NANS: variants seen among roughly 807,000 people sequenced by gnomAD.
NANS encodes the protein N-acetylneuraminate-9-phosphate synthase.
NANS carries 29 observed loss-of-function variants against 33.3 expected under a neutral mutation model. The ratio of observed to expected loss-of-function variants is 0.87; its 90% CI spans 0.65 to 1.19. The LOEUF (loss-of-function observed/expected upper bound fraction) is 1.19. NANS is among the 50% of genes most tolerant of loss of function. The probability of loss-of-function intolerance (pLI) is 0.00; values close to 1 mark genes in which losing one functional copy is unlikely to be tolerated. For synonymous variants in NANS, 163 were observed against 177.2 expected (o/e 0.92, Z 0.64); for missense variants, 394 against 461.1 (o/e 0.85, Z 1.33).
At chr9:98,060,676 A>G (rs1828947684) in intron 1 of NANS, 106 bp from the exon 2 acceptor site, 1 of 1,086,604 alleles carries the variant, frequency 9.2e-7, no homozygotes. Context: ...GTCTCTAAAT[A>G]AATAAATAAA....
intron 1 of NANS, 62 bp from the exon 2 acceptor site, chr9:98,060,720 A>T: frequency 1.3e-6 from 2 of 1,509,446 alleles, no homozygotes. Flanking sequence ...TTGCTCCAGA[A>T]TTTTTTCCTT....
rs200564294 is a variant in NANS, at chr9:98,076,925, T to C, written c.356T>C (p.Val119Ala). 2.5e-6 allele frequency: 4 copies of C among 1,610,212 alleles called. No homozygotes were observed. Among genetic ancestry groups the C allele is most frequent in the Non-Finnish European group, 3.4e-6 (4 of 1,178,610 alleles). Residue 119 changes from valine to alanine, a missense_variant, in exon 3 of 6, where the codon GTT becomes GCT. Val to Ala is a moderately conservative substitution (Grantham distance 64). Transcript: ENST00000210444. ...CCTCTTTGATTTTTGTAGATGGCAG[T>C]TGAATTCCTGCATGAACTGAATGTT... ...FTASGMDEMA[V>A]EFLHELNVPF...
intron 2 of NANS, among the ~76,000 whole-genome samples, chr9:98,063,818 C>T (rs1228537732): frequency 6.6e-6 from 1 of 152,202 alleles, no homozygotes; most frequent in African/African-American, 2.4e-5. Flanking sequence ...GCTGGGATTA[C>T]AGGTTTAAGC....
At chr9:98,068,222 A>C (rs935326697) in intron 2 of NANS, among the ~76,000 whole-genome samples, 1 of 151,384 alleles carries the variant, frequency 6.6e-6, no homozygotes, top group Non-Finnish European at 1.5e-5. Flanking sequence ...ACAACCTCCA[A>C]CTCCCGGGTT....
chr9:98,074,742 T>A (rs1468005526), intron 2 of NANS: 5 of 152,150 alleles, frequency 3.3e-5, no homozygotes, highest in Admixed American at 3.3e-4. Context: ...CCCCGATCGC[T>A]CTGCCCCTCT....
chr9:98,079,645 C>G (rs542428362), intron 4 of NANS, among the ~76,000 whole-genome samples: 1 of 152,190 alleles, frequency 6.6e-6, no homozygotes. Context: ...CCCCTGCACT[C>G]CCATCCCACA....
chr9:98,078,987 C>G (rs562972210), intron 4 of NANS, among the ~76,000 whole-genome samples: 11 of 152,052 alleles, frequency 7.2e-5, no homozygotes, highest in Non-Finnish European at 1.0e-4. Context: ...CTTGAAACTT[C>G]CTGGCTTTTT....
intron 2 of NANS, among the ~76,000 whole-genome samples, chr9:98,068,279 C>T (rs548783123): frequency 2.0e-5 from 3 of 152,048 alleles, no homozygotes; most frequent in East Asian, 1.9e-4. Flanking sequence ...GGATTACAGG[C>T]GCACACCACC....
chr9:98,066,077 C>T (rs946483833), intron 2 of NANS, among the ~76,000 whole-genome samples: 1 of 152,162 alleles, frequency 6.6e-6, no homozygotes, highest in African/African-American at 2.4e-5. Flanking sequence ...CCCTCCTCCT[C>T]CATAGTTGCT....
chr9:98,083,053 T>A lies in NANS; in HGVS notation c.1078T>A (p.Ter360LysextTer2). The A allele has an allele frequency of 6.2e-7, 1 of 1,613,818 alleles. No individual in the cohort carries two copies. The highest frequency in any genetic ancestry group is 1.1e-5 in the South Asian group (1 of 91,076). Residue 360 changes from the stop codon to lysine (K), a stop_lost, in exon 6 of 6, where the codon TAA (stop) becomes AAA (lysine). Transcript: ENST00000210444. Reference sequence around the variant, plus strand: ...TAATCATGGCAAAAAAATCAAGTCTTAAAAATAAAGTGCCATTCTCTGAAT... The same window carrying A: ...TAATCATGGCAAAAAAATCAAGTCTAAAAAATAAAGTGCCATTCTCTGAAT... ...VDNHGKKIKS[*>K]
chr9:98,066,777 A>C (rs1188397042), intron 2 of NANS, among the ~76,000 whole-genome samples: 1 of 151,834 alleles, frequency 6.6e-6, no homozygotes, highest in Non-Finnish European at 1.5e-5. Context: ...CAGCCTCCCG[A>C]GTAGCTGGGA....
At chr9:98,066,906 C>T (rs1196554621) in intron 2 of NANS, among the ~76,000 whole-genome samples, 1 of 152,176 alleles carries the variant, frequency 6.6e-6, no homozygotes, top group African/African-American at 2.4e-5. Flanking sequence ...TTGCCTTGGC[C>T]TCCCAAAGTG....
At chr9:98,066,336 T>C (rs997010116) in intron 2 of NANS, among the ~76,000 whole-genome samples, 1 of 152,200 alleles carries the variant, frequency 6.6e-6, no homozygotes, top group African/African-American at 2.4e-5. Flanking sequence ...TATTTGTCCT[T>C]TCCATCATCA....
chr9:98,069,784 G>A (rs991978247), intron 2 of NANS: 1 of 152,322 alleles, frequency 6.6e-6, no homozygotes, highest in Non-Finnish European at 1.5e-5. Flanking sequence ...TGACATGAAA[G>A]ATCCTTGTAG....
rs765688605 is a variant in NANS, at chr9:98,060,879, G to T, written c.230G>T (p.Trp77Leu). 1.2e-6 allele frequency: 2 copies of T among 1,614,180 alleles called. No individual in the cohort carries two copies. The highest frequency in any genetic ancestry group is 2.2e-5 in the South Asian group (2 of 91,084). ...AGGCCATACACCTCGAAGCATTCCT[G>T]GGGGAAGACGTACGGGGAGCACAAA... The part of the protein sequence containing the change: ...LERPYTSKHS[W>L]GKTYGEHKRH... The change falls in exon 2 of 6, where the codon TGG becomes TTG. Residue 77 changes from tryptophan to leucine, a missense_variant. Physicochemically the swap from Trp to Leu is moderately conservative, Grantham distance 61. Coordinates refer to ENST00000210444, the MANE Select transcript of NANS (RefSeq NM_018946.4).
At chr9:98,068,796 C>A (rs997528832) in intron 2 of NANS, among the ~76,000 whole-genome samples, 1 of 150,092 alleles carries the variant, frequency 6.7e-6, no homozygotes, top group Non-Finnish European at 1.5e-5. Flanking sequence ...ACTCCAGACT[C>A]CAGCCTTGGC....
intron 2 of NANS, among the ~76,000 whole-genome samples, chr9:98,062,064 A>G (rs1389718345): frequency 6.6e-6 from 1 of 151,418 alleles, no homozygotes; most frequent in African/African-American, 2.4e-5. Flanking sequence ...TCTACAAAAA[A>G]CACAAAAATT....
chr9:98,061,791 A>G (rs1828991232), intron 2 of NANS, among the ~76,000 whole-genome samples: 1 of 151,400 alleles, frequency 6.6e-6, no homozygotes, highest in African/African-American at 2.4e-5. Context: ...AAAAAAAAAA[A>G]ATTAATAATA....
chr9:98,063,343 G>A (rs1829041682), intron 2 of NANS, among the ~76,000 whole-genome samples: 1 of 152,146 alleles, frequency 6.6e-6, no homozygotes, highest in African/African-American at 2.4e-5. Flanking sequence ...CCAGGTTCAA[G>A]TTATTCTCAT....
Sources: gnomAD v4.1 joint callset for allele counts (sites outside exome capture counted in the v4.1 genomes callset) on GRCh38, gnomAD v4.1.1 for gene constraint, MANE v1.5 for transcripts, NCBI Gene and HGNC (gene_info 2026-07-23, HGNC 2026-07-21) for gene names.